Variants in PRKCQ observed in about 807,000 individuals in gnomAD.
PRKCQ encodes the protein protein kinase C theta type.
A neutral mutation model predicts 91.2 loss-of-function variants in PRKCQ; 41 were observed. That is an observed-to-expected ratio of 0.45 (90% confidence interval 0.35 to 0.58). The LOEUF (loss-of-function observed/expected upper bound fraction) is 0.58, where lower values mean the gene tolerates loss of function less well. Among genes scored for constraint, PRKCQ ranks in the 20% least tolerant of loss-of-function variants. The pLI is 0.00. For missense variants in PRKCQ, 673 were observed against 896.5 expected (o/e 0.75, Z 3.18); for synonymous variants, 307 against 316.9 (o/e 0.97, Z 0.33).
Position 6,458,540 on chromosome 10 carries a change from C to A in PRKCQ, c.1509-1728G>T, listed in dbSNP as rs540326616. Reference sequence around the variant, plus strand: ...AGCAGAAGAGAACATCCAGGGGCACCCTTTCATTCCATCATGAGGTTAACG... The same window carrying A: ...AGCAGAAGAGAACATCCAGGGGCACACTTTCATTCCATCATGAGGTTAACG... On this transcript the variant is annotated intron_variant, in intron 14 of 17. Coordinates refer to ENST00000263125, the MANE Select transcript of PRKCQ (RefSeq NM_006257.5). 7.2e-5 allele frequency among the ~76,000 whole-genome samples: 11 copies of A among 152,164 alleles called. 1 individual carries two copies. The South Asian group carries it at 2.1e-3, about 29-fold the overall frequency.
At chr10:6,454,874 A>G (rs890916507) in intron 15 of PRKCQ, among the ~76,000 whole-genome samples, 1 of 152,200 alleles carries the variant, frequency 6.6e-6, no homozygotes, top group Admixed American at 6.5e-5. Flanking sequence ...CACACGTAAA[A>G]GAAAAGAAGG....
At chr10:6,521,936 T>TATTCATTTATTC (rs1564371831) in intron 1 of PRKCQ, among the ~76,000 whole-genome samples, 4 of 151,154 alleles carry the variant, frequency 2.6e-5, no homozygotes, top group African/African-American at 9.7e-5. Flanking sequence ...TTTATTTATT[T>TATTCATTTATTC]ATTTATTTAT....
At chr10:6,418,800 AC>A in the PRKCQ span, among the ~76,000 whole-genome samples, 5 of 152,142 alleles carry the variant, frequency 3.3e-5, no homozygotes, top group Non-Finnish European at 7.3e-5. Flanking sequence ...TCATCTGTCT[AC>A]CTACCTACCT....
At chr10:6,467,570 T>C (rs1835757908) in intron 12 of PRKCQ, among the ~76,000 whole-genome samples, 1 of 152,094 alleles carries the variant, frequency 6.6e-6, no homozygotes, top group African/African-American at 2.4e-5. Context: ...GGGTGAGAAT[T>C]GAAGCTGTGA....
intron 12 of PRKCQ, among the ~76,000 whole-genome samples, chr10:6,477,556 G>A (rs1016576873): frequency 1.3e-5 from 2 of 152,104 alleles, no homozygotes; most frequent in African/African-American, 4.8e-5. Flanking sequence ...CTCTCCAGTC[G>A]TCATGGCTTG....
At chr10:6,557,720 G>A (rs1287018081) in intron 1 of PRKCQ, among the ~76,000 whole-genome samples, 1 of 152,112 alleles carries the variant, frequency 6.6e-6, no homozygotes, top group Non-Finnish European at 1.5e-5. Context: ...CTTTCCAGGT[G>A]ATGTTCCACC....
At chr10:6,456,852 A>G in intron 14 of PRKCQ, 40 bp from the exon 15 acceptor site, 1 of 1,606,418 alleles carries the variant, frequency 6.2e-7, no homozygotes, top group South Asian at 1.1e-5. Context: ...ATTAATCAAT[A>G]TAATTTGGTT....
rs759820591 is a variant in PRKCQ, at chr10:6,511,022, C to T, written c.291G>A (p.Arg97=). The T allele has an allele frequency of 6.2e-7, 1 of 1,614,132 alleles. No individual in the cohort carries two copies. The highest frequency in any genetic ancestry group is 1.1e-5 in the South Asian group (1 of 91,076). Residue 97 remains arginine (R), a synonymous_variant, in exon 3 of 18, where the codon AGG becomes AGA. Transcript: ENST00000263125. ...VELYSLAERC[R]KNNGKTEIWL... ...ATATTTCTGTCTTCCCGTTGTTCTT[C>T]CTGCACCTCTCAGCCAGCGAGTAGA...
At chr10:6,577,548 CACAT>C (rs1164172981) in intron 1 of PRKCQ, among the ~76,000 whole-genome samples, 28 of 152,130 alleles carry the variant, frequency 1.8e-4, no homozygotes, top group Non-Finnish European at 3.5e-4. Flanking sequence ...ATTACACACA[CACAT>C]ACACACACAC....
the PRKCQ span, among the ~76,000 whole-genome samples, chr10:6,395,099 G>A: frequency 1.6e-5 from 2 of 128,026 alleles, no homozygotes; most frequent in Non-Finnish European, 3.1e-5. Context: ...GTCTCGCTCT[G>A]TCTCCCAGGC....
chr10:6,441,869 G>C, intron 16 of PRKCQ, 24 bp downstream of exon 16: 1 of 1,575,664 alleles, frequency 6.3e-7, no homozygotes, highest in African/African-American at 1.4e-5. Context: ...GTCTTATGAA[G>C]ACGCTCTTGG....
At chr10:6,539,299 G>A (rs1839693024) in intron 1 of PRKCQ, among the ~76,000 whole-genome samples, 1 of 152,080 alleles carries the variant, frequency 6.6e-6, no homozygotes, top group African/African-American at 2.4e-5. Flanking sequence ...CCAGCCCCCA[G>A]GCCATGGACC....
At chr10:6,400,960 C>T in the PRKCQ span, among the ~76,000 whole-genome samples, 1 of 152,172 alleles carries the variant, frequency 6.6e-6, no homozygotes, top group Non-Finnish European at 1.5e-5. Flanking sequence ...GGAGAACTTG[C>T]AAAATTAAAT....
At chr10:6,508,602 A>G (rs1838315053) in intron 3 of PRKCQ, among the ~76,000 whole-genome samples, 1 of 152,282 alleles carries the variant, frequency 6.6e-6, no homozygotes, top group Admixed American at 6.5e-5. Flanking sequence ...AATGAAAAGA[A>G]AAGTGCTTTT....
intron 12 of PRKCQ, among the ~76,000 whole-genome samples, chr10:6,476,685 C>T (rs1018024943): frequency 1.2e-4 from 19 of 152,046 alleles, no homozygotes; most frequent in Non-Finnish European, 2.4e-4. Context: ...TCCAATTTTT[C>T]GCTACTATGA....
At chr10:6,567,356 G>A (rs1840871196) in intron 1 of PRKCQ, among the ~76,000 whole-genome samples, 1 of 152,260 alleles carries the variant, frequency 6.6e-6, no homozygotes, top group East Asian at 1.9e-4. Flanking sequence ...TGGCCCTAAA[G>A]GGCCCACCAT....
chr10:6,491,369 G>T (rs1213501907), intron 8 of PRKCQ, among the ~76,000 whole-genome samples: 1 of 152,200 alleles, frequency 6.6e-6, no homozygotes, highest in Non-Finnish European at 1.5e-5. Flanking sequence ...GTAGTAGAAA[G>T]ACCAGTGAGA....
At position 6,489,342 on chromosome 10, in the gene PRKCQ, G is replaced by A. The variant is rs199778126; in HGVS notation, c.790+2341C>T. On this transcript the variant is annotated intron_variant, in intron 8 of 17. Transcript: ENST00000263125. ...AGGCTTCTCTGTGACTTGCATGGCC[G>A]CGAAGAAAGGCCACCACCATCTCCA... 710 of 489,212 alleles carry A rather than the reference G, an allele frequency of 1.5e-3. 8 individuals carry two copies. Among genetic ancestry groups the A allele is most frequent in the South Asian group, 8.6e-3 (567 of 65,788 alleles). 30.3% of individuals were successfully genotyped at this position (489,212 alleles called of 1,614,324 possible). A position where few individuals can be genotyped will look rare whatever the true frequency, so the allele number is the denominator to read the frequency against.
rs3086735 is a variant in PRKCQ, at chr10:6,561,369, C to CA, written c.-10+18841dup. Among the ~76,000 whole-genome samples, 382 of 82,602 alleles carry CA rather than the reference C, an allele frequency of 4.6e-3. 11 individuals are homozygous for CA. The highest frequency in any genetic ancestry group is 6.8e-3 in the Non-Finnish European group (301 of 43,960). The allele number at this position is 82,602 out of a possible 152,430, so 54.2% of individuals were successfully genotyped here. On this transcript the variant is annotated intron_variant, in intron 1 of 17. Coordinates refer to ENST00000263125, the MANE Select transcript of PRKCQ (RefSeq NM_006257.5). ...GGACCACCAGAGTGAGACCCTGTCT[C>CA]AAAAAAAAAAAAAAAAAAAAAAAAA...
Sources: gnomAD v4.1 joint callset for allele counts (sites outside exome capture counted in the v4.1 genomes callset) on GRCh38, gnomAD v4.1.1 for gene constraint, MANE v1.5 for transcripts, NCBI Gene and HGNC (gene_info 2026-07-23, HGNC 2026-07-21) for gene names.